MYT1L: variants seen among roughly 807,000 people sequenced by gnomAD.
The protein encoded by MYT1L is myelin transcription factor 1 like.
In MYT1L, 12 loss-of-function variants were observed where a neutral mutation model predicts 126.7. That is an observed-to-expected ratio of 0.09 (90% CI 0.06 to 0.15). The LOEUF (loss-of-function observed/expected upper bound fraction) is 0.15, where lower values mean the gene tolerates loss of function less well. MYT1L is among the 10% of genes least tolerant of loss of function. MYT1L has a pLI of 1.00. For synonymous variants in MYT1L, 541 were observed against 604.2 expected, an observed-to-expected ratio of 0.90 and a Z score of 1.53; for missense variants, 979 against 1,585.2, an observed-to-expected ratio of 0.62 and a Z score of 6.49.
At chr2:1,911,462 A>C (rs912835680) in intron 12 of MYT1L, among the ~76,000 whole-genome samples, 2 of 152,242 alleles carry the variant, frequency 1.3e-5, no homozygotes, top group Non-Finnish European at 2.9e-5. Context: ...ACAGGAAAAG[A>C]GAACTCAGAT....
intron 3 of MYT1L, among the ~76,000 whole-genome samples, chr2:2,058,281 A>C (rs2069884379): frequency 1.3e-5 from 2 of 152,164 alleles, no homozygotes; most frequent in Admixed American, 1.3e-4. Context: ...CATTGTTTTA[A>C]ATCGTTGAAT....
chr2:2,296,640 G>A (rs760922367), intron 1 of MYT1L, among the ~76,000 whole-genome samples: 14 of 152,104 alleles, frequency 9.2e-5, no homozygotes, highest in Non-Finnish European at 2.1e-4. Context: ...AGGGGCGTGT[G>A]GGACTCTGTC....
Position 1,886,592 on chromosome 2 carries a change from G to A in MYT1L, c.2658C>T (p.Pro886=), listed in dbSNP as rs1204405759. 3.8e-6 allele frequency: 6 copies of A among 1,581,638 alleles called. No homozygotes were observed. In the Admixed American group the frequency reaches 9.2e-5, roughly 24 times the overall value. Reference sequence around the variant, plus strand: ...TACTTCGAATGCTTTTGTCCGCCAGGGGGCAGCCAGACAGACTGTAAGACA... The same window carrying A: ...TACTTCGAATGCTTTTGTCCGCCAGAGGGCAGCCAGACAGACTGTAAGACA... ...KKDLITLSGC[P]LADKSIRSML... The change falls in exon 18 of 25, where the codon CCC becomes CCT. Residue 886 remains proline (P), a synonymous_variant. Coordinates refer to ENST00000647738, the MANE Select transcript of MYT1L (RefSeq NM_001303052.2).
intron 3 of MYT1L, among the ~76,000 whole-genome samples, chr2:2,109,298 G>C (rs1025365711): frequency 5.3e-5 from 8 of 152,284 alleles, no homozygotes; most frequent in Middle Eastern, 3.4e-3. Context: ...AACACACTTG[G>C]CTGGGAAGTC....
At chr2:1,989,535 T>C (rs2061316288) in intron 5 of MYT1L, among the ~76,000 whole-genome samples, 1 of 152,170 alleles carries the variant, frequency 6.6e-6, no homozygotes, top group South Asian at 2.1e-4. Context: ...AAGGTTTGAT[T>C]AAGGATCGCA....
chr2:2,125,433 G>A (rs1575345563), intron 3 of MYT1L, among the ~76,000 whole-genome samples: 3 of 152,076 alleles, frequency 2.0e-5, no homozygotes, highest in Non-Finnish European at 2.9e-5. Context: ...TTTGACTCCC[G>A]TATGTATCCT....
chr2:2,307,658 C>G (rs766952742), intron 1 of MYT1L, among the ~76,000 whole-genome samples: 2 of 152,082 alleles, frequency 1.3e-5, no homozygotes, highest in Admixed American at 6.5e-5. Flanking sequence ...TCAGTACACT[C>G]TACCTATACT....
intron 14 of MYT1L, 59 bp from the exon 15 acceptor site, chr2:1,892,346 C>A: frequency 6.6e-7 from 1 of 1,516,640 alleles, no homozygotes; most frequent in South Asian, 1.3e-5. Flanking sequence ...CGGCAGACAG[C>A]ACACGGCAGG....
chr2:2,146,798 T>C (rs1423259475), intron 3 of MYT1L, among the ~76,000 whole-genome samples: 1 of 152,226 alleles, frequency 6.6e-6, no homozygotes, highest in Non-Finnish European at 1.5e-5. Context: ...CCACCTTAGA[T>C]ATGCAGTCAC....
At chr2:1,915,370 C>T (rs1246654738) in intron 11 of MYT1L, among the ~76,000 whole-genome samples, 7 of 151,986 alleles carry the variant, frequency 4.6e-5, no homozygotes, top group South Asian at 2.1e-4. Context: ...TCCTTGCCTC[C>T]GAGAGCGATC....
chr2:1,960,644 C>T (rs1330143836), intron 8 of MYT1L, among the ~76,000 whole-genome samples: 1 of 152,232 alleles, frequency 6.6e-6, no homozygotes, highest in African/African-American at 2.4e-5. Context: ...ACCTCACCTG[C>T]AGCTCAGGAG....
intron 3 of MYT1L, among the ~76,000 whole-genome samples, chr2:2,058,197 A>G (rs1398185680): frequency 6.6e-6 from 1 of 152,182 alleles, no homozygotes; most frequent in East Asian, 1.9e-4. Context: ...ATGGAATTAA[A>G]TATCTTTTCA....
At chr2:2,118,125 TATATTCAATA>T (rs2080476440) in intron 3 of MYT1L, among the ~76,000 whole-genome samples, 1 of 149,272 alleles carries the variant, frequency 6.7e-6, no homozygotes, top group Admixed American at 6.7e-5. Flanking sequence ...TATAATATTT[TATATTCAATA>T]ATATTCAATA....
At chr2:2,304,685 C>A (rs746606699) in intron 1 of MYT1L, among the ~76,000 whole-genome samples, 1 of 152,216 alleles carries the variant, frequency 6.6e-6, no homozygotes, top group East Asian at 1.9e-4. Flanking sequence ...AGGCAACACA[C>A]AAATGAATGG....
At chr2:2,037,785 C>T (rs1398664366) in intron 4 of MYT1L, among the ~76,000 whole-genome samples, 8 of 148,446 alleles carry the variant, frequency 5.4e-5, no homozygotes, top group Admixed American at 5.3e-4. Flanking sequence ...AACAAAACCC[C>T]CCCAAAAAAA....
At chr2:2,138,746 A>G (rs1239993419) in intron 3 of MYT1L, among the ~76,000 whole-genome samples, 2 of 146,644 alleles carry the variant, frequency 1.4e-5, no homozygotes, top group African/African-American at 5.0e-5. Flanking sequence ...CTAATGCTAG[A>G]TGACGAGTTA....
intron 2 of MYT1L, among the ~76,000 whole-genome samples, chr2:2,173,487 CAAAAG>C: frequency 6.6e-6 from 1 of 152,274 alleles, no homozygotes; most frequent in East Asian, 1.9e-4. Flanking sequence ...ATCACAACAA[CAAAAG>C]AAATTACCTT....
chr2:1,984,477 G>A (rs1014710350), intron 5 of MYT1L, among the ~76,000 whole-genome samples: 8 of 150,058 alleles, frequency 5.3e-5, no homozygotes, highest in Non-Finnish European at 1.5e-5. Context: ...GATCCCTGGT[G>A]TGAGCCATGG....
intron 11 of MYT1L, among the ~76,000 whole-genome samples, chr2:1,914,529 G>C (rs564258190): frequency 6.6e-6 from 1 of 152,168 alleles, no homozygotes; most frequent in African/African-American, 2.4e-5. Flanking sequence ...ACGGTATCCA[G>C]GTAGCCACCT....
Sources: allele counts gnomAD v4.1 joint callset (sites outside exome capture counted in the v4.1 genomes callset), GRCh38; gene constraint gnomAD v4.1.1; transcripts MANE v1.5; gene names NCBI Gene and HGNC (gene_info 2026-07-23, HGNC 2026-07-21).